Variants in EPHB2 observed in about 807,000 individuals in gnomAD.
The protein encoded by EPHB2 is EPH receptor B2.
In EPHB2, 18 loss-of-function variants were observed where a neutral mutation model predicts 96.4. The ratio of observed to expected loss-of-function variants is 0.19; its 90% CI spans 0.13 to 0.28. The LOEUF (loss-of-function observed/expected upper bound fraction) is 0.28, where lower values mean the gene tolerates loss of function less well. Among genes scored for constraint, EPHB2 ranks in the 10% least tolerant of loss-of-function variants. The pLI is 1.00. For synonymous variants in EPHB2, 506 were observed against 534.1 expected (o/e 0.95, Z 0.72); for missense variants, 989 against 1,355.4 (o/e 0.73, Z 4.25).
At chr1:22,856,838 A>G (rs1170091134) in intron 3 of EPHB2, among the ~76,000 whole-genome samples, 1 of 152,244 alleles carries the variant, frequency 6.6e-6, no homozygotes, top group African/African-American at 2.4e-5. Context: ...ATGCTGGATG[A>G]GTAATAATAG....
At position 22,860,620 on chromosome 1, in the gene EPHB2, C is replaced by T. The variant is rs148264280; in HGVS notation, c.812-2417C>T. 8.3e-4 allele frequency among the ~76,000 whole-genome samples: 127 copies of T among 152,174 alleles called. No homozygotes were observed. Among genetic ancestry groups the T allele is most frequent in the Non-Finnish European group, 1.4e-3 (94 of 67,982 alleles). On this transcript the variant is annotated intron_variant, in intron 3 of 15. Coordinates refer to ENST00000374630, the MANE Select transcript of EPHB2 (RefSeq NM_017449.5). The surrounding 1 kb of genome is among the most constrained non-coding windows in gnomAD (Gnocchi z 4.6). ...AGCAGCCACCCACTGGCGGCCCCCC[C>T]GGGAATGCCCCGCAGATGGAGGAGG...
intron 1 of EPHB2, among the ~76,000 whole-genome samples, chr1:22,765,528 CAGAG>C (rs1644295583): frequency 8.1e-6 from 1 of 122,934 alleles, no homozygotes; most frequent in Admixed American, 9.8e-5. Context: ...GCCTGGGTGA[CAGAG>C]AGAGACCCTG....
intron 9 of EPHB2, among the ~76,000 whole-genome samples, chr1:22,902,890 G>A (rs1013776166): frequency 1.3e-5 from 2 of 152,220 alleles, no homozygotes; most frequent in African/African-American, 4.8e-5. Flanking sequence ...GAGCAATCCA[G>A]GCAGTCTTCA....
chr1:22,890,981 A>C (rs1639371358), intron 6 of EPHB2: 1 of 422,850 alleles, frequency 2.4e-6, no homozygotes, highest in Non-Finnish European at 4.8e-6. Context: ...CAGCATGAGA[A>C]GGGACTAATG....
In EPHB2 at chr1:22,860,089, G is replaced by A. The variant is rs917243535; in HGVS notation, c.812-2948G>A. Among the ~76,000 whole-genome samples the A allele has an allele frequency of 2.0e-5, 3 of 152,186 alleles. No individual in the cohort carries two copies. Among genetic ancestry groups the A allele is most frequent in the African/African-American group, 7.2e-5 (3 of 41,444 alleles). ...AGGGTTCACCTGTACCGTAGCATGT[G>A]TCAATGCTTCGTTCCTTTTTATGGC... On this transcript the variant is annotated intron_variant, in intron 3 of 15. Coordinates refer to ENST00000374630, the MANE Select transcript of EPHB2 (RefSeq NM_017449.5). The surrounding 1 kb of genome is among the most constrained non-coding windows in gnomAD (Gnocchi z 4.6).
chr1:22,775,612 A>G (rs1644440216), intron 1 of EPHB2, among the ~76,000 whole-genome samples: 1 of 152,222 alleles, frequency 6.6e-6, no homozygotes, highest in South Asian at 2.1e-4. Context: ...TTTAAGTTCA[A>G]ATATTTCTGA....
chr1:22,720,543 G>A (rs972594042), intron 1 of EPHB2, among the ~76,000 whole-genome samples: 1 of 150,994 alleles, frequency 6.6e-6, no homozygotes, highest in African/African-American at 2.4e-5. Context: ...GAGTGGCTTC[G>A]TGTTTAGTAG....
At chr1:22,788,761 T>TGA (rs1359536438) in intron 3 of EPHB2, among the ~76,000 whole-genome samples, 3 of 150,964 alleles carry the variant, frequency 2.0e-5, no homozygotes. Flanking sequence ...TTGTTTTTTT[T>TGA]TTTTTTTTTT....
rs538485337 is a variant in EPHB2, at chr1:22,792,131, C to A, written c.811+7055C>A. 2.6e-5 allele frequency among the ~76,000 whole-genome samples: 4 copies of A among 151,050 alleles called. No individual in the cohort carries two copies. In the East Asian group the frequency reaches 7.9e-4, roughly 30 times the overall value. ...GAGTTGGATCCTCCTTCCCACCCTG[C>A]TTTCAGCTCGAGCCCTTCTTACAGA... On this transcript the variant is annotated intron_variant, in intron 3 of 15. Transcript: ENST00000374630.
chr1:22,753,911 C>T lies in EPHB2; in HGVS notation c.62-27510C>T, dbSNP rs78269973. Reference sequence around the variant, plus strand: ...CCTTCCCCAAACCTCTGCCTCAAGCCGGGAGGGTGCTGGGATTGCAGGGAT... The same window carrying T: ...CCTTCCCCAAACCTCTGCCTCAAGCTGGGAGGGTGCTGGGATTGCAGGGAT... On this transcript the variant is annotated intron_variant, in intron 1 of 15. Coordinates refer to ENST00000374630, the MANE Select transcript of EPHB2 (RefSeq NM_017449.5). Among the ~76,000 whole-genome samples the T allele has an allele frequency of 6.7e-4, 102 of 152,258 alleles. 2 individuals are homozygous for T. In the East Asian group the frequency reaches 0.01, roughly 16 times the overall value.
chr1:22,713,208 GC>G (rs1449999429), intron 1 of EPHB2, among the ~76,000 whole-genome samples: 1 of 152,142 alleles, frequency 6.6e-6, no homozygotes, highest in Non-Finnish European at 1.5e-5. Flanking sequence ...TGTTCCGTTT[GC>G]CCCCTGGACA....
intron 3 of EPHB2, among the ~76,000 whole-genome samples, chr1:22,859,297 T>TG (rs532868298): frequency 0.043 from 2,102 of 48,428 alleles, 39 homozygotes; most frequent in African/African-American, 0.085. Flanking sequence ...GTGGGCCTGG[T>TG]GGGGGGGGGG....
At chr1:22,849,290 C>T (rs1468204487) in intron 3 of EPHB2, among the ~76,000 whole-genome samples, 1 of 152,154 alleles carries the variant, frequency 6.6e-6, no homozygotes, top group Non-Finnish European at 1.5e-5. Flanking sequence ...CTAAAGTGAT[C>T]CCTCTGAGGA....
At position 22,912,466 on chromosome 1, in the gene EPHB2, C is replaced by T. The variant is rs765871452; in HGVS notation, c.2719C>T (p.Arg907Cys). The T allele has an allele frequency of 1.1e-5, 17 of 1,613,970 alleles. No individual in the cohort carries two copies. Among genetic ancestry groups the T allele is most frequent in the African/African-American group, 1.3e-5 (1 of 74,908 alleles). Residue 907 changes from arginine to cysteine, a missense_variant, in exon 15 of 16, where the codon CGC becomes TGC. Transcript: ENST00000374630. ...SSGINLPLLD[R>C]TIPDYTSFNT... The stretch of plus-strand genomic sequence containing the variant: ...CAGCATCAACCTGCCGCTGCTGGAC[C>T]GCACGATCCCCGACTACACCAGCTT...
rs1451726793 is a variant in EPHB2, at chr1:22,784,315, TG to T, written c.127-76del. 3.5e-6 allele frequency: 5 copies of T among 1,427,366 alleles called. No homozygotes were observed. In the Admixed American group the frequency reaches 8.7e-5, roughly 25 times the overall value. The allele number at this position is 1,427,366 out of a possible 1,614,324, so 88.4% of individuals were successfully genotyped here. ...CTGGAGGGTTCCCTAAGGCAGAGTCTGTGTCTTCCACCTTAGACTGAGTGTG... is the reference window on the plus strand; with the variant it reads ...CTGGAGGGTTCCCTAAGGCAGAGTCTTGTCTTCCACCTTAGACTGAGTGTG... On this transcript the variant is annotated intron_variant, in intron 2 of 15. Coordinates refer to ENST00000374630, the MANE Select transcript of EPHB2 (RefSeq NM_017449.5). The surrounding 1 kb of genome is among the most constrained non-coding windows in gnomAD (Gnocchi z 5.1).
intron 3 of EPHB2, among the ~76,000 whole-genome samples, chr1:22,812,235 A>T (rs1645013347): frequency 6.6e-6 from 1 of 152,184 alleles, no homozygotes. Flanking sequence ...CTGGCCAGGG[A>T]GGGAAGGGGA....
intron 3 of EPHB2, among the ~76,000 whole-genome samples, chr1:22,849,262 CT>C (rs1246391737): frequency 6.6e-6 from 1 of 152,158 alleles, no homozygotes; most frequent in Non-Finnish European, 1.5e-5. Flanking sequence ...GCAGAAAGGC[CT>C]TTTCTGCCCA....
At chr1:22,804,221 G>A (rs1644892008) in intron 3 of EPHB2, among the ~76,000 whole-genome samples, 1 of 152,186 alleles carries the variant, frequency 6.6e-6, no homozygotes, top group Admixed American at 6.5e-5. Context: ...TGGGTTGGCT[G>A]GTTTGGTCCT....
intron 3 of EPHB2, among the ~76,000 whole-genome samples, chr1:22,859,576 C>G (rs767961991): frequency 6.6e-6 from 1 of 152,128 alleles, no homozygotes; most frequent in Non-Finnish European, 1.5e-5. Context: ...GGGTGGATCA[C>G]TTGAGGTCAG....
Sources: allele counts gnomAD v4.1 joint callset (sites outside exome capture counted in the v4.1 genomes callset), GRCh38; gene constraint gnomAD v4.1.1; non-coding constraint Gnocchi (gnomAD v3.1); transcripts MANE v1.5; gene names NCBI Gene and HGNC (gene_info 2026-07-23, HGNC 2026-07-21).